Variants in DNAH6 observed in about 807,000 individuals in gnomAD.
DNAH6 encodes axonemal beta dynein heavy chain 6.
In DNAH6, 340 loss-of-function variants were observed where a neutral mutation model predicts 491.4. That is an observed-to-expected ratio of 0.69 (90% confidence interval 0.63 to 0.76). The LOEUF is 0.76. Ranked by LOEUF, DNAH6 falls within the 30% of genes least tolerant of loss-of-function variation. The probability of loss-of-function intolerance (pLI) is 0.00; values close to 1 mark genes in which losing one functional copy is unlikely to be tolerated. For missense variants in DNAH6, 4,443 were observed against 4,972.2 expected (o/e 0.89, Z 3.20); for synonymous variants, 1,603 against 1,686.1 (o/e 0.95, Z 1.21).
In DNAH6 at chr2:84,734,092, A is replaced by T. The variant is rs1699334079; in HGVS notation, c.10342+513A>T. Among the ~76,000 whole-genome samples the T allele has an allele frequency of 4.7e-5, 7 of 150,258 alleles. No homozygotes were observed. In the South Asian group the frequency reaches 1.5e-3, roughly 32 times the overall value. ...ACTACTCTGAATTATAACATTCTGT[A>T]TTCATTTTTCCCTGCAAGTCTTAAT... On this transcript the variant is annotated intron_variant, in intron 62 of 76. Coordinates refer to ENST00000389394, the MANE Select transcript of DNAH6 (RefSeq NM_001370.2).
chr2:84,767,878 GA>G (rs35242468), intron 64 of DNAH6, among the ~76,000 whole-genome samples: 137 of 151,470 alleles, frequency 9.0e-4, no homozygotes, highest in African/African-American at 3.1e-3. Context: ...ATTGTGGGGG[GA>G]AAAAAAAGAA....
Position 84,609,825 on chromosome 2 carries a change from C to T in DNAH6, c.3295-1849C>T, listed in dbSNP as rs547202454. 4.6e-5 allele frequency among the ~76,000 whole-genome samples: 7 copies of T among 152,158 alleles called. No individual in the cohort carries two copies. In the East Asian group the frequency reaches 7.7e-4, roughly 17 times the overall value. On this transcript the variant is annotated intron_variant, in intron 21 of 76. Coordinates refer to ENST00000389394, the MANE Select transcript of DNAH6 (RefSeq NM_001370.2). ...AATTAACTTTCTTGATGCAGGGTTG[C>T]CACAAAACTTCAATTTGTGAAAAAT...
At chr2:84,678,380 A>G (rs1159006175) in intron 41 of DNAH6, among the ~76,000 whole-genome samples, 4 of 152,174 alleles carry the variant, frequency 2.6e-5, no homozygotes, top group Non-Finnish European at 4.4e-5. Context: ...GAACTTTTAT[A>G]TTTATATTTT....
intron 62 of DNAH6, among the ~76,000 whole-genome samples, chr2:84,734,615 C>T (rs532887842): frequency 9.2e-5 from 14 of 152,208 alleles, no homozygotes; most frequent in African/African-American, 3.1e-4. Context: ...ATGCAAGGTT[C>T]CATATGTGAC....
At position 84,680,615 on chromosome 2, in the gene DNAH6, C is replaced by T. The variant is rs181799714; in HGVS notation, c.6745-742C>T. The stretch of plus-strand genomic sequence containing the variant: ...AGTGTGGGTGTTCAGACTAGTGTGG[C>T]GGGGACATGGGGAGCAATGGAAGGG... On this transcript the variant is annotated intron_variant, in intron 41 of 76. Transcript: ENST00000389394. Among the ~76,000 whole-genome samples the T allele has an allele frequency of 7.6e-4, 115 of 150,626 alleles. 2 individuals carry two copies. Among genetic ancestry groups the T allele is most frequent in the African/African-American group, 2.5e-3 (101 of 40,948 alleles).
In DNAH6 at chr2:84,783,963, A is replaced by C. The variant is rs150354347; in HGVS notation, c.10865-759A>C. Among the ~76,000 whole-genome samples, 433 of 152,306 alleles carry C rather than the reference A, an allele frequency of 2.8e-3. 3 individuals are homozygous for C. The highest frequency in any genetic ancestry group is 0.01 in the African/African-American group (419 of 41,560). ...TCAGAAGGTGATATTTGACCAAGAC[A>C]TGAAGAAAGTGAGGGAATCTGAGGG... On this transcript the variant is annotated intron_variant, in intron 65 of 76. Transcript: ENST00000389394.
chr2:84,677,647 C>G (rs1472996479), intron 41 of DNAH6, among the ~76,000 whole-genome samples: 1 of 152,204 alleles, frequency 6.6e-6, no homozygotes, highest in Admixed American at 6.5e-5. Context: ...CCCTAATAGG[C>G]TACTTCCCCA....
chr2:84,762,613 T>C, intron 63 of DNAH6, 142 bp from the exon 64 acceptor site: 1 of 605,876 alleles, frequency 1.7e-6, no homozygotes, highest in Non-Finnish European at 2.9e-6. Context: ...AAACAATATC[T>C]ATAAAAAGAT....
chr2:84,816,591 C>T (rs377538840), intron 76 of DNAH6, among the ~76,000 whole-genome samples: 10 of 152,120 alleles, frequency 6.6e-5, no homozygotes, highest in African/African-American at 1.9e-4. Flanking sequence ...GGCATGGTGG[C>T]GGGTGCCAGT....
chr2:84,536,320 A>G (rs1677687233), intron 4 of DNAH6, among the ~76,000 whole-genome samples: 1 of 152,180 alleles, frequency 6.6e-6, no homozygotes, highest in East Asian at 1.9e-4. Context: ...GACCACCTGA[A>G]TAGCTTAACT....
At chr2:84,664,506 C>G (rs2104624660) in intron 37 of DNAH6, among the ~76,000 whole-genome samples, 1 of 152,020 alleles carries the variant, frequency 6.6e-6, no homozygotes, top group Non-Finnish European at 1.5e-5. Flanking sequence ...ACAAAGAAGC[C>G]CATTACATAA....
At chr2:84,600,050 C>G (rs1360924742) in intron 18 of DNAH6, among the ~76,000 whole-genome samples, 2 of 152,134 alleles carry the variant, frequency 1.3e-5, no homozygotes, top group Non-Finnish European at 2.9e-5. Flanking sequence ...GATCATTCTA[C>G]AAGTGTTAAT....
At chr2:84,507,327 A>T in the DNAH6 span, among the ~76,000 whole-genome samples, 1 of 152,222 alleles carries the variant, frequency 6.6e-6, no homozygotes, top group African/African-American at 2.4e-5. Flanking sequence ...TCTTTGAAGC[A>T]ATTGTGAATG....
intron 9 of DNAH6, among the ~76,000 whole-genome samples, chr2:84,551,398 G>GAA (rs35153191): frequency 6.6e-6 from 1 of 152,088 alleles, no homozygotes. Context: ...CTTCAAAGGG[G>GAA]AAAAAAGATA....
chr2:84,475,796 C>T, the DNAH6 span, among the ~76,000 whole-genome samples: 8 of 152,246 alleles, frequency 5.3e-5, no homozygotes, highest in South Asian at 2.1e-4. Flanking sequence ...TGGAGCCGAG[C>T]AATAAAATCA....
chr2:84,600,284 G>A (rs1339968116), intron 18 of DNAH6, among the ~76,000 whole-genome samples: 1 of 152,030 alleles, frequency 6.6e-6, no homozygotes, highest in African/African-American at 2.4e-5. Context: ...AATACCAAGG[G>A]TTCCCATATA....
In DNAH6 at chr2:84,707,546, C is replaced by T. The variant is rs775969440; in HGVS notation, c.8878C>T (p.Arg2960Cys). The change falls in exon 54 of 77, where the codon CGT becomes TGT. Residue 2960 changes from arginine (R) to cysteine (C), a missense_variant. Physicochemically the swap from Arg to Cys is radical, Grantham distance 180 (BLOSUM62 -3). Transcript: ENST00000389394. Reference sequence around the variant, plus strand: ...AAAGACCATGGCCCTGACAAAAGCACGTCTAGTACGTGCTGGAAAGCTGAC... The same window carrying T: ...AAAGACCATGGCCCTGACAAAAGCATGTCTAGTACGTGCTGGAAAGCTGAC... The part of the protein sequence containing the change: ...LAKTMALTKA[R>C]LVRAGKLTAA... 7 of 1,551,746 alleles carry T rather than the reference C, an allele frequency of 4.5e-6. No homozygotes were observed. Among genetic ancestry groups the T allele is most frequent in the South Asian group, 1.2e-5 (1 of 84,040 alleles).
intron 70 of DNAH6, among the ~76,000 whole-genome samples, chr2:84,798,981 T>G (rs1245208033): frequency 1.3e-5 from 2 of 150,700 alleles, no homozygotes; most frequent in African/African-American, 4.9e-5. Context: ...TCCTCTTTTT[T>G]TCTTTCCTTT....
chr2:84,497,165 T>C, the DNAH6 span, among the ~76,000 whole-genome samples: 1 of 152,082 alleles, frequency 6.6e-6, no homozygotes, highest in Admixed American at 6.5e-5. Context: ...GAGACGGAGT[T>C]TCACCATGTT....
Sources: allele counts gnomAD v4.1 joint callset (sites outside exome capture counted in the v4.1 genomes callset), GRCh38; gene constraint gnomAD v4.1.1; transcripts MANE v1.5; gene names NCBI Gene and HGNC (gene_info 2026-07-23, HGNC 2026-07-21).